The following FNDC3B variants were observed in gnomAD, a reference collection of about 807,000 sequenced individuals.
FNDC3B encodes fibronectin type III domain containing 3B.
A neutral mutation model predicts 151.5 loss-of-function variants in FNDC3B; 12 were observed. The ratio of observed to expected loss-of-function variants is 0.08; its 90% CI spans 0.05 to 0.13. The LOEUF is 0.13. FNDC3B is among the 10% of genes least tolerant of loss of function. The pLI, the probability that FNDC3B is intolerant of heterozygous loss-of-function variation, is 1.00. For synonymous variants in FNDC3B, 528 were observed against 549.0 expected (o/e 0.96, Z 0.54); for missense variants, 1,214 against 1,505.3 (o/e 0.81, Z 3.20).
At chr3:172,074,684 T>A (rs894288248) in intron 1 of FNDC3B, among the ~76,000 whole-genome samples, 3 of 152,220 alleles carry the variant, frequency 2.0e-5, no homozygotes, top group African/African-American at 7.2e-5. Flanking sequence ...AATTTAAGCC[T>A]GTTTTGAGAC....
At chr3:172,083,912 C>T (rs566243326) in intron 1 of FNDC3B, among the ~76,000 whole-genome samples, 1 of 152,150 alleles carries the variant, frequency 6.6e-6, no homozygotes, top group African/African-American at 2.4e-5. Flanking sequence ...TGTTTCTTAA[C>T]TGCATTGTGA....
chr3:172,140,632 A>G (rs953064675), intron 3 of FNDC3B, among the ~76,000 whole-genome samples: 4 of 152,230 alleles, frequency 2.6e-5, no homozygotes. Context: ...ACGGGCCCAG[A>G]GCAGAAAGTC....
intron 1 of FNDC3B, among the ~76,000 whole-genome samples, chr3:172,108,132 C>T (rs956972285): frequency 1.3e-5 from 2 of 151,484 alleles, no homozygotes; most frequent in Non-Finnish European, 1.5e-5. Flanking sequence ...CACGCCACTG[C>T]ACTCCATCCT....
chr3:172,372,227 G>A (rs1048581970), intron 23 of FNDC3B, among the ~76,000 whole-genome samples: 1 of 152,162 alleles, frequency 6.6e-6, no homozygotes, highest in Non-Finnish European at 1.5e-5. Flanking sequence ...TACTGTGCTT[G>A]TCCTCTTCTT....
At chr3:172,394,436 C>T (rs7615556) in intron 25 of FNDC3B, among the ~76,000 whole-genome samples, 13,786 of 151,846 alleles carry the variant, frequency 0.091, 718 homozygotes, top group Middle Eastern at 0.17. Context: ...GCAAATACCC[C>T]AGAAATACAC....
At chr3:172,103,673 A>T (rs1414015269) in intron 1 of FNDC3B, among the ~76,000 whole-genome samples, 2 of 152,134 alleles carry the variant, frequency 1.3e-5, no homozygotes, top group African/African-American at 4.8e-5. Context: ...GGTGTTTTTA[A>T]TCTAAAAAAC....
At chr3:172,357,053 T>C (rs1734131109) in intron 22 of FNDC3B, among the ~76,000 whole-genome samples, 1 of 152,252 alleles carries the variant, frequency 6.6e-6, no homozygotes, top group Non-Finnish European at 1.5e-5. Context: ...AAGTGCGTTG[T>C]AGAAGGCTAT....
intron 25 of FNDC3B, among the ~76,000 whole-genome samples, chr3:172,394,106 T>TAAAAAAAAAA (rs60559371): frequency 0.04 from 659 of 16,648 alleles, 119 homozygotes; most frequent in Non-Finnish European, 0.054. Context: ...AGACTCCTTC[T>TAAAAAAAAAA]AAAAAAAAAA....
At chr3:172,226,507 T>C (rs1726589422) in intron 3 of FNDC3B, among the ~76,000 whole-genome samples, 1 of 152,162 alleles carries the variant, frequency 6.6e-6, no homozygotes, top group Non-Finnish European at 1.5e-5. Flanking sequence ...TGTTTAAATA[T>C]TGATTAATTA....
intron 23 of FNDC3B, among the ~76,000 whole-genome samples, chr3:172,368,970 C>A (rs1207011210): frequency 6.6e-6 from 1 of 152,144 alleles, no homozygotes; most frequent in African/African-American, 2.4e-5. Context: ...AAGATCACGC[C>A]ACTGTACTCC....
intron 3 of FNDC3B, among the ~76,000 whole-genome samples, chr3:172,203,574 A>G (rs1441074927): frequency 2.0e-5 from 3 of 152,258 alleles, no homozygotes; most frequent in African/African-American, 7.2e-5. Context: ...ATGAAACTCA[A>G]TAGGAGGTTT....
chr3:172,395,827 A>G (rs1576976829), intron 25 of FNDC3B, among the ~76,000 whole-genome samples: 1 of 152,230 alleles, frequency 6.6e-6, no homozygotes, highest in East Asian at 1.9e-4. Flanking sequence ...AGCACGTGAA[A>G]AGATGCGCAG....
chr3:172,129,526 C>T (rs1268093164), intron 2 of FNDC3B, among the ~76,000 whole-genome samples: 1 of 152,188 alleles, frequency 6.6e-6, no homozygotes, highest in Non-Finnish European at 1.5e-5. Flanking sequence ...TTCAGTTCTC[C>T]TGTTAGACAA....
intron 3 of FNDC3B, among the ~76,000 whole-genome samples, chr3:172,218,623 T>C (rs1726116746): frequency 6.6e-6 from 1 of 152,222 alleles, no homozygotes; most frequent in Non-Finnish European, 1.5e-5. Flanking sequence ...AGGTACTTTA[T>C]ATGCATTACA....
intron 25 of FNDC3B, among the ~76,000 whole-genome samples, chr3:172,392,810 C>CT (rs1167627679): frequency 0.018 from 1,819 of 99,894 alleles, 89 homozygotes; most frequent in Middle Eastern, 0.05. Flanking sequence ...TTTTTTTTTT[C>CT]TTTTTTTTTT....
At chr3:172,230,984 C>T (rs1051902686) in intron 4 of FNDC3B, among the ~76,000 whole-genome samples, 3 of 151,968 alleles carry the variant, frequency 2.0e-5, no homozygotes, top group Non-Finnish European at 4.4e-5. Context: ...AAACATATGA[C>T]CACACAAACA....
intron 1 of FNDC3B, among the ~76,000 whole-genome samples, chr3:172,057,162 C>T (rs1187287334): frequency 6.6e-6 from 1 of 152,180 alleles, no homozygotes; most frequent in Non-Finnish European, 1.5e-5. Flanking sequence ...CATTCCTTCT[C>T]TCTTTTTGTG....
chr3:172,103,497 A>C (rs1719473704), intron 1 of FNDC3B, among the ~76,000 whole-genome samples: 1 of 152,126 alleles, frequency 6.6e-6, no homozygotes, highest in African/African-American at 2.4e-5. Context: ...GCTTTGCCAA[A>C]TTTAAAATTA....
intron 4 of FNDC3B, among the ~76,000 whole-genome samples, chr3:172,232,947 C>A (rs1279821482): frequency 3.3e-5 from 5 of 152,212 alleles, no homozygotes; most frequent in Non-Finnish European, 5.9e-5. Flanking sequence ...AAGACTGTTA[C>A]AACAGTTCCA....
Sources: gnomAD v4.1 joint callset for allele counts (sites outside exome capture counted in the v4.1 genomes callset) on GRCh38, gnomAD v4.1.1 for gene constraint, MANE v1.5 for transcripts, NCBI Gene and HGNC (gene_info 2026-07-23, HGNC 2026-07-21) for gene names.